FABP12: variants seen among roughly 807,000 people sequenced by gnomAD.
FABP12 encodes the protein fatty acid binding protein 12.
FABP12 carries 19 observed loss-of-function variants against 13.7 expected under a neutral mutation model. The observed-to-expected ratio is 1.39, with a 90% CI of 0.97 to 2.04. FABP12 has a LOEUF of 2.04. FABP12 is among the 30% of genes most tolerant of loss of function. The pLI, the probability that FABP12 is intolerant of heterozygous loss-of-function variation, is 0.00. For synonymous variants in FABP12, 61 were observed against 57.0 expected (o/e 1.07, Z -0.32); for missense variants, 182 against 164.2 (o/e 1.11, Z -0.59).
At chr8:81,587,415 A>G (rs1485105232) in intron 1 of FABP12, among the ~76,000 whole-genome samples, 2 of 152,164 alleles carry the variant, frequency 1.3e-5, no homozygotes, top group Admixed American at 1.3e-4. Context: ...GGTTCTTCCT[A>G]TCCATGAGCA....
At chr8:81,564,278 A>T (rs1809778044) in intron 1 of FABP12, among the ~76,000 whole-genome samples, 1 of 152,208 alleles carries the variant, frequency 6.6e-6, no homozygotes, top group Non-Finnish European at 1.5e-5. Flanking sequence ...GAAATGCTGA[A>T]GGGAGTTCTT....
chr8:81,526,883 A>G, intron 4 of FABP12, 137 bp downstream of exon 4: 1 of 587,940 alleles, frequency 1.7e-6, no homozygotes, highest in Non-Finnish European at 3.0e-6. Context: ...TTATACATTT[A>G]TCTCATAATT....
intron 1 of FABP12, among the ~76,000 whole-genome samples, chr8:81,589,096 T>C (rs1186558484): frequency 1.3e-5 from 2 of 152,046 alleles, no homozygotes; most frequent in Non-Finnish European, 2.9e-5. Context: ...AACCAGCAAC[T>C]AGAGGAGAGA....
intron 1 of FABP12, among the ~76,000 whole-genome samples, chr8:81,567,745 C>T (rs1809852992): frequency 6.6e-6 from 1 of 152,156 alleles, no homozygotes. Flanking sequence ...GGACACTGGA[C>T]TGAGCAAAGA....
At chr8:81,536,551 A>G (rs780202032), upstream of FABP12, among the ~76,000 whole-genome samples, 4 of 152,202 alleles carry the variant, frequency 2.6e-5, no homozygotes, top group Non-Finnish European at 4.4e-5. Context: ...CTAATTCAAT[A>G]AACACTTGAG....
intron 1 of FABP12, among the ~76,000 whole-genome samples, chr8:81,532,263 T>A (rs1195617700): frequency 6.6e-6 from 1 of 152,208 alleles, no homozygotes; most frequent in Non-Finnish European, 1.5e-5. Flanking sequence ...TCATTGTTAA[T>A]TCTAGGCAGA....
rs181583584 is a variant in FABP12, at chr8:81,553,152, C to G, written c.-184-13409G>C. 9.2e-5 allele frequency among the ~76,000 whole-genome samples: 14 copies of G among 152,224 alleles called. 1 individual carries two copies. The East Asian group carries it at 2.5e-3, about 27-fold the overall frequency. On this transcript the variant is annotated intron_variant, in intron 1 of 5. Coordinates refer to the FABP12 transcript ENST00000692030. ...CAAGGAACACTAACATTTAAGAGAC[C>G]TAGAGAAGAAGGGATTTCTCTCTTT...
At chr8:81,535,849 G>C (rs1328455360), upstream of FABP12, among the ~76,000 whole-genome samples, 1 of 152,170 alleles carries the variant, frequency 6.6e-6, no homozygotes, top group Non-Finnish European at 1.5e-5. Context: ...CTGAGCAAAA[G>C]ATCATGACTT....
At chr8:81,534,947 A>T (rs531829347), upstream of FABP12, among the ~76,000 whole-genome samples, 2,153 of 129,704 alleles carry the variant, frequency 0.017, 30 homozygotes, top group Non-Finnish European at 0.023. Flanking sequence ...CAAAAAATTA[A>T]AAAAAAAATG....
At chr8:81,527,254 A>G in intron 3 of FABP12, 133 bp from the exon 4 acceptor site, 1 of 490,138 alleles carries the variant, frequency 2.0e-6, no homozygotes. Context: ...AACTCTATTT[A>G]TTTTAAGACT....
intron 1 of FABP12, among the ~76,000 whole-genome samples, chr8:81,546,166 G>T (rs930429115): frequency 1.3e-5 from 2 of 152,106 alleles, no homozygotes; most frequent in Non-Finnish European, 2.9e-5. Flanking sequence ...TAATGCTTTT[G>T]CTTATGTCTC....
chr8:81,575,698 A>G (rs1032320672), intron 1 of FABP12, among the ~76,000 whole-genome samples: 5 of 152,208 alleles, frequency 3.3e-5, no homozygotes, highest in South Asian at 2.1e-4. Context: ...GCCTTTTACC[A>G]TTATGTAATA....
rs556274595 is a variant in FABP12 at position 81,543,671 on chromosome 8, T to G, written c.-184-3928A>C. On this transcript the variant is annotated intron_variant, in intron 1 of 5. Transcript: ENST00000692030. ...GGAATGAAGTGCACTCAATGGTTAA[T>G]GGTGATTGTCTTAGATGGTGAGGTT... Among the ~76,000 whole-genome samples the G allele has an allele frequency of 2.0e-5, 3 of 152,310 alleles. No individual in the cohort carries two copies. The South Asian group carries it at 6.2e-4, about 32-fold the overall frequency.
chr8:81,586,641 C>G (rs1411559155), intron 1 of FABP12, among the ~76,000 whole-genome samples: 2 of 152,108 alleles, frequency 1.3e-5, no homozygotes, highest in Non-Finnish European at 2.9e-5. Flanking sequence ...TGTATGTCTT[C>G]TTTTGAGAAG....
chr8:81,578,739 C>G (rs1029393053), intron 1 of FABP12, among the ~76,000 whole-genome samples: 1 of 151,026 alleles, frequency 6.6e-6, no homozygotes, highest in East Asian at 2.0e-4. Flanking sequence ...CCACCTCGGC[C>G]TCCTAAAGTG....
intron 1 of FABP12, among the ~76,000 whole-genome samples, chr8:81,544,237 T>A (rs988538700): frequency 1.3e-5 from 2 of 152,140 alleles, no homozygotes; most frequent in Non-Finnish European, 2.9e-5. Flanking sequence ...GCAACAGAAA[T>A]GTGTTCTTTA....
chr8:81,558,084 G>A (rs945866495), intron 1 of FABP12, among the ~76,000 whole-genome samples: 5 of 152,206 alleles, frequency 3.3e-5, no homozygotes, highest in Non-Finnish European at 7.3e-5. Flanking sequence ...AAACAGACAC[G>A]AAGATTGCAT....
chr8:81,554,754 G>T (rs1032241469), intron 1 of FABP12, among the ~76,000 whole-genome samples: 3 of 151,880 alleles, frequency 2.0e-5, no homozygotes, highest in African/African-American at 7.3e-5. Flanking sequence ...AAGAAGAATT[G>T]TCTCGGGCTA....
intron 1 of FABP12, among the ~76,000 whole-genome samples, chr8:81,586,866 A>T (rs2114696): frequency 6.6e-6 from 1 of 152,224 alleles, no homozygotes; most frequent in East Asian, 1.9e-4. Flanking sequence ...AAGTCTTTGG[A>T]AGGGCTAATG....
Sources: allele counts gnomAD v4.1 joint callset (sites outside exome capture counted in the v4.1 genomes callset), GRCh38; gene constraint gnomAD v4.1.1; transcripts MANE v1.5; gene names NCBI Gene and HGNC (gene_info 2026-07-23, HGNC 2026-07-21).